LRRFIP1: variants seen among roughly 807,000 people sequenced by gnomAD.
LRRFIP1 encodes leucine-rich repeat flightless-interacting protein 1.
LRRFIP1 carries 62 observed loss-of-function variants against 104.4 expected under a neutral mutation model. The observed-to-expected ratio is 0.59, with a 90% CI of 0.48 to 0.73. LRRFIP1 has a LOEUF of 0.73. LRRFIP1 is among the 30% of genes least tolerant of loss of function. The pLI is 0.00. For synonymous variants in LRRFIP1, 300 were observed against 299.0 expected (o/e 1.00, Z -0.03); for missense variants, 796 against 824.5 (o/e 0.97, Z 0.42).
At chr2:237,738,002 C>T (rs529744962) in intron 10 of LRRFIP1, among the ~76,000 whole-genome samples, 4 of 152,308 alleles carry the variant, frequency 2.6e-5, no homozygotes, top group East Asian at 3.9e-4. Context: ...TGAAATCATT[C>T]GTTCATTCAA....
At chr2:237,749,623 C>T (rs530970238) in intron 13 of LRRFIP1, among the ~76,000 whole-genome samples, 10 of 152,106 alleles carry the variant, frequency 6.6e-5, no homozygotes, top group Non-Finnish European at 1.2e-4. Context: ...TGTGTTGATG[C>T]ACTTGGTCGT....
chr2:237,764,036 T>C (rs2060111326), intron 19 of LRRFIP1: 3 of 1,614,008 alleles, frequency 1.9e-6, no homozygotes, highest in Non-Finnish European at 2.5e-6. Context: ...CGATGACTTG[T>C]CGGCACCAGG....
chr2:237,757,585 G>T (rs760814644), intron 17 of LRRFIP1, 37 bp downstream of exon 17: 2 of 1,460,286 alleles, frequency 1.4e-6, no homozygotes, highest in Non-Finnish European at 1.9e-6. Flanking sequence ...ACTCAAATGG[G>T]CAGCCTGCTT....
chr2:237,717,961 C>T lies in LRRFIP1; in HGVS notation c.249+152C>T, dbSNP rs146436145. On this transcript the variant is annotated intron_variant, in intron 4 of 23. Transcript: ENST00000308482. The surrounding 1 kb of genome is among the most constrained non-coding windows in gnomAD (Gnocchi z 4.2). Reference sequence around the variant, plus strand: ...AATTTAATACTGAGAGATTTTCTTCCGGGGATTTCTGCATCTGGTCTCTGT... The same window carrying T: ...AATTTAATACTGAGAGATTTTCTTCTGGGGATTTCTGCATCTGGTCTCTGT... 2.3e-3 allele frequency among the ~76,000 whole-genome samples: 350 copies of T among 152,278 alleles called. 1 individual carries two copies. The highest frequency in any genetic ancestry group is 7.9e-3 in the African/African-American group (330 of 41,550).
At chr2:237,716,449 C>T (rs2094335149) in intron 3 of LRRFIP1, among the ~76,000 whole-genome samples, 1 of 152,004 alleles carries the variant, frequency 6.6e-6, no homozygotes, top group Admixed American at 6.5e-5. Flanking sequence ...GTTAAATTCT[C>T]CCTCCTAATT....
chr2:237,757,524 A>G lies in LRRFIP1; in HGVS notation c.1200A>G (p.Ile400Met). 1 of 1,586,822 alleles carries G rather than the reference A, an allele frequency of 6.3e-7. No individual in the cohort carries two copies. ...AGATTTCTGATCTTCAGGAAACAAT[A>G]GAGTGGAAAGACAAAAAGATAGGGG... The part of the protein sequence containing the change: ...IREISDLQET[I>M]EWKDKKIGAL... Residue 400 changes from isoleucine (I) to methionine (M), a missense_variant, in exon 17 of 24, where the codon ATA (isoleucine) becomes ATG (methionine). Physicochemically the swap from Ile to Met is conservative, Grantham distance 10. Transcript: ENST00000308482.
rs1491067994 is a variant in LRRFIP1, at chr2:237,690,749, AAG to A, written c.97-17793_97-17792del. On this transcript the variant is annotated intron_variant, in intron 1 of 23. Coordinates refer to ENST00000308482, the MANE Select transcript of LRRFIP1 (RefSeq NM_001137550.2). ...GAGACTCCATCTCAAAAAAAAAAAA[AAG>A]AAAGAAAGAAAGAATTGTTATAACA... 1.9e-4 allele frequency among the ~76,000 whole-genome samples: 28 copies of A among 144,532 alleles called. No homozygotes were observed. In the South Asian group the frequency reaches 4.2e-3, roughly 22 times the overall value. The allele number at this position is 144,532 out of a possible 152,430, so 94.8% of individuals were successfully genotyped here.
At chr2:237,628,011 C>A (rs1017874335) in intron 1 of LRRFIP1, among the ~76,000 whole-genome samples, 1 of 151,386 alleles carries the variant, frequency 6.6e-6, no homozygotes, top group Non-Finnish European at 1.5e-5. Context: ...CCCCGGCCAC[C>A]GTCGGCCGCT....
chr2:237,629,467 CTTTTTTTTTTTTTTT>C (rs745503726), intron 1 of LRRFIP1, among the ~76,000 whole-genome samples: 1 of 117,374 alleles, frequency 8.5e-6, no homozygotes, highest in East Asian at 2.6e-4. Context: ...TTTCTTTCTT[CTTTTTTTTTTTTTTT>C]TTTTTTTTTA....
intron 17 of LRRFIP1, 138 bp from the exon 18 acceptor site, chr2:237,758,591 C>G (rs952974376): frequency 3.3e-6 from 2 of 603,758 alleles, no homozygotes; most frequent in African/African-American, 3.7e-5. Context: ...TTGTTAGTAT[C>G]TTTAGGCAGA....
intron 19 of LRRFIP1, among the ~76,000 whole-genome samples, chr2:237,767,023 C>T (rs2060288428): frequency 6.6e-6 from 1 of 151,976 alleles, no homozygotes. Context: ...AATATACAAA[C>T]AATTAGCCAG....
intron 8 of LRRFIP1, among the ~76,000 whole-genome samples, chr2:237,732,491 A>G (rs1038847429): frequency 1.3e-5 from 2 of 152,134 alleles, no homozygotes; most frequent in African/African-American, 4.8e-5. Context: ...CATTTAGTGG[A>G]TAGTTCAGCC....
chr2:237,756,776 C>T (rs1339847743), intron 16 of LRRFIP1, among the ~76,000 whole-genome samples: 1 of 152,144 alleles, frequency 6.6e-6, no homozygotes, highest in African/African-American at 2.4e-5. Flanking sequence ...CCCGAAGTTG[C>T]CTACATCCAG....
intron 8 of LRRFIP1, among the ~76,000 whole-genome samples, chr2:237,730,145 A>G (rs1234529845): frequency 6.6e-6 from 1 of 152,200 alleles, no homozygotes; most frequent in Admixed American, 6.5e-5. Flanking sequence ...CAAAAGGAAA[A>G]AAATAATTAG....
intron 23 of LRRFIP1, among the ~76,000 whole-genome samples, chr2:237,775,103 A>G (rs2060968430): frequency 6.6e-6 from 1 of 152,254 alleles, no homozygotes; most frequent in Non-Finnish European, 1.5e-5. Flanking sequence ...CTCCGCCTCC[A>G]TAGAGCCTGT....
intron 8 of LRRFIP1, among the ~76,000 whole-genome samples, chr2:237,730,529 G>A (rs986981534): frequency 4.6e-5 from 7 of 152,286 alleles, no homozygotes; most frequent in Non-Finnish European, 7.4e-5. Context: ...AGAAGCCACC[G>A]GCACCGGAGA....
chr2:237,771,515 T>G (rs920790735), intron 20 of LRRFIP1, among the ~76,000 whole-genome samples: 3 of 133,192 alleles, frequency 2.3e-5, no homozygotes, highest in Non-Finnish European at 4.6e-5. Context: ...GACTTGAGCA[T>G]CCACAGATTT....
At chr2:237,702,945 A>G (rs1461907208) in intron 1 of LRRFIP1, among the ~76,000 whole-genome samples, 1 of 152,110 alleles carries the variant, frequency 6.6e-6, no homozygotes, top group African/African-American at 2.4e-5. Flanking sequence ...ATTTCACTGT[A>G]CTCCTAAATG....
At chr2:237,750,892 G>T (rs1347094892) in intron 13 of LRRFIP1, among the ~76,000 whole-genome samples, 1 of 152,178 alleles carries the variant, frequency 6.6e-6, no homozygotes, top group Non-Finnish European at 1.5e-5. Flanking sequence ...GTGCTTGAAT[G>T]AATTACTAAA....
Sources: gnomAD v4.1 joint callset for allele counts (sites outside exome capture counted in the v4.1 genomes callset) on GRCh38, gnomAD v4.1.1 for gene constraint, Gnocchi (gnomAD v3.1) non-coding constraint, MANE v1.5 for transcripts, NCBI Gene and HGNC (gene_info 2026-07-23, HGNC 2026-07-21) for gene names.